The following CDK19 variants were observed in gnomAD, a reference collection of about 807,000 sequenced individuals.
The protein encoded by CDK19 is cyclin-dependent kinase 19.
In CDK19, 20 loss-of-function variants were observed where a neutral mutation model predicts 68.3. The observed-to-expected ratio is 0.29, with a 90% CI of 0.21 to 0.43. The LOEUF is 0.43. Among genes scored for constraint, CDK19 ranks in the 20% least tolerant of loss-of-function variants. The probability of loss-of-function intolerance (pLI) is 1.00; values close to 1 mark genes in which losing one functional copy is unlikely to be tolerated. For missense variants in CDK19, 339 were observed against 623.5 expected, an observed-to-expected ratio of 0.54 and a Z score of 4.86; for synonymous variants, 221 against 222.8, an observed-to-expected ratio of 0.99 and a Z score of 0.07.
At chr6:110,770,871 C>T (rs1239005062) in intron 1 of CDK19, among the ~76,000 whole-genome samples, 1 of 152,132 alleles carries the variant, frequency 6.6e-6, no homozygotes, top group Non-Finnish European at 1.5e-5. Flanking sequence ...CAGGCCCATG[C>T]AAATCCGAAA....
intron 4 of CDK19, among the ~76,000 whole-genome samples, chr6:110,661,709 A>G (rs914730558): frequency 6.6e-5 from 10 of 152,218 alleles, no homozygotes; most frequent in East Asian, 5.8e-4. Flanking sequence ...CTCTAATAGA[A>G]TAAGTTTTTA....
chr6:110,670,636 C>G, intron 2 of CDK19, 95 bp from the exon 3 acceptor site: 2 of 754,492 alleles, frequency 2.7e-6, no homozygotes, highest in Non-Finnish European at 4.6e-6. Context: ...TTCTGAAAAT[C>G]TAGAGAATCC....
chr6:110,618,869 T>C (rs1025138571), intron 12 of CDK19, among the ~76,000 whole-genome samples: 2 of 152,204 alleles, frequency 1.3e-5, no homozygotes, highest in African/African-American at 4.8e-5. Flanking sequence ...TTTCATACAT[T>C]CTGTAATAAA....
At chr6:110,788,775 T>C (rs936874237) in intron 1 of CDK19, among the ~76,000 whole-genome samples, 1 of 152,206 alleles carries the variant, frequency 6.6e-6, no homozygotes. Context: ...TTATGCTGTA[T>C]TCATTTATCT....
At chr6:110,665,593 C>T (rs1401542108) in intron 4 of CDK19, among the ~76,000 whole-genome samples, 1 of 152,166 alleles carries the variant, frequency 6.6e-6, no homozygotes, top group Non-Finnish European at 1.5e-5. Context: ...AATTAATCTT[C>T]AATAAAAGAT....
intron 1 of CDK19, among the ~76,000 whole-genome samples, chr6:110,764,786 A>G (rs1432345799): frequency 6.6e-6 from 1 of 151,970 alleles, no homozygotes; most frequent in Non-Finnish European, 1.5e-5. Context: ...CCTCATCTCT[A>G]CTAAAAATAC....
intron 2 of CDK19, among the ~76,000 whole-genome samples, chr6:110,730,977 GGGA>G: frequency 6.6e-6 from 1 of 151,990 alleles, no homozygotes; most frequent in South Asian, 2.1e-4. Flanking sequence ...ATTTGAACCT[GGGA>G]GGCAGAGGTT....
intron 12 of CDK19, among the ~76,000 whole-genome samples, chr6:110,619,255 G>T (rs1055458439): frequency 6.6e-6 from 1 of 152,132 alleles, no homozygotes; most frequent in African/African-American, 2.4e-5. Flanking sequence ...AAGAATGTTT[G>T]AATTTGGGGA....
chr6:110,627,172 G>C, intron 6 of CDK19, 27 bp from the exon 7 acceptor site: 4 of 1,561,960 alleles, frequency 2.6e-6, no homozygotes, highest in Non-Finnish European at 2.6e-6. Flanking sequence ...ATAAGTTTTT[G>C]TATATATTTC....
chr6:110,738,519 CA>C (rs1292390562), intron 2 of CDK19, among the ~76,000 whole-genome samples: 1 of 151,360 alleles, frequency 6.6e-6, no homozygotes, highest in Admixed American at 6.6e-5. Flanking sequence ...GACTCTGTCT[CA>C]AAAATAAATA....
At chr6:110,639,927 C>T (rs1385232386) in intron 4 of CDK19, among the ~76,000 whole-genome samples, 1 of 152,112 alleles carries the variant, frequency 6.6e-6, no homozygotes, top group African/African-American at 2.4e-5. Flanking sequence ...AGAAGTCTGA[C>T]TTGGGCCAGG....
At chr6:110,714,802 C>T (rs1331245088) in intron 2 of CDK19, among the ~76,000 whole-genome samples, 1 of 148,226 alleles carries the variant, frequency 6.7e-6, no homozygotes, top group East Asian at 2.0e-4. Context: ...GGCACAACCT[C>T]GGCTCACTGC....
intron 10 of CDK19, 96 bp from the exon 11 acceptor site, chr6:110,622,262 A>G (rs1371896265): frequency 1.2e-6 from 1 of 847,948 alleles, no homozygotes. Context: ...TTCTTCACTT[A>G]TTTCCTACTC....
intron 12 of CDK19, among the ~76,000 whole-genome samples, chr6:110,615,262 C>A (rs1407884171): frequency 6.6e-6 from 1 of 152,100 alleles, no homozygotes; most frequent in African/African-American, 2.4e-5. Context: ...GCAATTTTCA[C>A]ATATGATTGT....
rs568090569 is a variant in CDK19 at position 110,611,646 on chromosome 6, C to A, written c.*2889G>T. The A allele has an allele frequency of 6.6e-6, 1 of 152,250 alleles. No individual in the cohort carries two copies. Among genetic ancestry groups the A allele is most frequent in the Non-Finnish European group, 1.5e-5 (1 of 68,130 alleles). The allele number at this position is 152,250 out of a possible 1,614,324, so 9.4% of individuals were successfully genotyped here. Reference sequence around the variant, plus strand: ...ACTAAAAATACAAAAATTAGCCAGACGTGGTGGTGCGTGCCCGTAGTCCCA... The same window carrying A: ...ACTAAAAATACAAAAATTAGCCAGAAGTGGTGGTGCGTGCCCGTAGTCCCA... On this transcript the variant is annotated 3_prime_UTR_variant, in exon 13 of 13. Transcript: ENST00000368911.
chr6:110,706,917 C>T (rs1384968537), intron 2 of CDK19: 1 of 157,746 alleles, frequency 6.3e-6, no homozygotes, highest in Non-Finnish European at 1.4e-5. Flanking sequence ...AGTGCTACTC[C>T]TCTTTCCCTT....
At chr6:110,644,120 T>G (rs546655085) in intron 4 of CDK19, among the ~76,000 whole-genome samples, 38 of 152,034 alleles carry the variant, frequency 2.5e-4, no homozygotes, top group Admixed American at 6.5e-4. Context: ...GGTGAAACCC[T>G]GTCTCTACTG....
At chr6:110,768,464 T>C (rs1779742321) in intron 1 of CDK19, among the ~76,000 whole-genome samples, 2 of 152,222 alleles carry the variant, frequency 1.3e-5, no homozygotes, top group South Asian at 4.1e-4. Flanking sequence ...TTACTCATAA[T>C]TGCCAAAAGC....
At chr6:110,631,967 T>TATA in intron 6 of CDK19, 63 bp downstream of exon 6, 1 of 1,435,760 alleles carries the variant, frequency 7.0e-7, no homozygotes, top group South Asian at 1.2e-5. Context: ...GCTTTATTAT[T>TATA]ATACCATTTT....
Sources: allele counts gnomAD v4.1 joint callset (sites outside exome capture counted in the v4.1 genomes callset), GRCh38; gene constraint gnomAD v4.1.1; transcripts MANE v1.5; gene names NCBI Gene and HGNC (gene_info 2026-07-23, HGNC 2026-07-21).